The following TNS3 variants were observed in gnomAD, a reference collection of about 807,000 sequenced individuals.
TNS3 encodes tensin 3.
TNS3 carries 45 observed loss-of-function variants against 140.9 expected under a neutral mutation model. The observed-to-expected ratio is 0.32, with a 90% CI of 0.25 to 0.41. TNS3 has a LOEUF of 0.41. Ranked by LOEUF, TNS3 falls within the 10% of genes least tolerant of loss-of-function variation. TNS3 has a pLI of 1.00. For synonymous variants in TNS3, 815 were observed against 788.4 expected (o/e 1.03, Z -0.56); for missense variants, 1,716 against 1,906.7 (o/e 0.90, Z 1.86).
chr7:47,474,208 A>C (rs1259366897), intron 4 of TNS3, among the ~76,000 whole-genome samples: 1 of 150,880 alleles, frequency 6.6e-6, no homozygotes, highest in Admixed American at 6.6e-5. Context: ...CACACAAAAA[A>C]CACCTCACAC....
chr7:47,349,412 C>A (rs1032716000), intron 17 of TNS3, among the ~76,000 whole-genome samples: 1 of 152,206 alleles, frequency 6.6e-6, no homozygotes, highest in South Asian at 2.1e-4. Flanking sequence ...CTGGGACCAC[C>A]AGGAGTAAGA....
At chr7:47,476,993 C>A (rs530070234) in intron 4 of TNS3, among the ~76,000 whole-genome samples, 2 of 152,210 alleles carry the variant, frequency 1.3e-5, no homozygotes, top group Admixed American at 1.3e-4. Flanking sequence ...TAAATAGCCA[C>A]GGGTTCAATG....
chr7:47,344,728 C>T, intron 20 of TNS3, 27 bp downstream of exon 20: 1 of 1,600,914 alleles, frequency 6.2e-7, no homozygotes. Context: ...GTGCCGCGCG[C>T]CTGTGACCCG....
At position 47,372,901 on chromosome 7, in the gene TNS3, A is replaced by T. The variant is rs991562893; in HGVS notation, c.1025-3280T>A. On this transcript the variant is annotated intron_variant, in intron 16 of 30. Transcript: ENST00000311160. ...TTAAACGTACAGGAAAAGAATATGA[A>T]ACATATCAAGTGAATTCCAAGATAG... 9.8e-5 allele frequency among the ~76,000 whole-genome samples: 15 copies of T among 152,332 alleles called. No homozygotes were observed. The East Asian group carries it at 2.5e-3, about 25-fold the overall frequency.
chr7:47,406,790 A>T (rs969924551), intron 13 of TNS3, among the ~76,000 whole-genome samples: 1 of 152,220 alleles, frequency 6.6e-6, no homozygotes, highest in Non-Finnish European at 1.5e-5. Context: ...AAGGCCCTGT[A>T]ACTTCTTCCC....
At chr7:47,292,772 TG>T in intron 26 of TNS3, 55 bp downstream of exon 26, 1 of 1,454,060 alleles carries the variant, frequency 6.9e-7, no homozygotes, top group Non-Finnish European at 9.5e-7. Flanking sequence ...CTAAAACCGG[TG>T]GCCTTGACTG....
chr7:47,520,009 T>A (rs753998364), intron 2 of TNS3, among the ~76,000 whole-genome samples: 1 of 151,776 alleles, frequency 6.6e-6, no homozygotes, highest in Non-Finnish European at 1.5e-5. Context: ...TTTTTTTTAG[T>A]AGAGACGGGG....
chr7:47,569,471 G>A (rs1429112177), intron 1 of TNS3, among the ~76,000 whole-genome samples: 1 of 151,740 alleles, frequency 6.6e-6, no homozygotes, highest in African/African-American at 2.4e-5. Flanking sequence ...TCGAACCAGG[G>A]AGGTGGAGGT....
At chr7:47,494,798 G>C (rs1797941146) in intron 3 of TNS3, among the ~76,000 whole-genome samples, 2 of 152,184 alleles carry the variant, frequency 1.3e-5, no homozygotes, top group Admixed American at 1.3e-4. Context: ...GACAGAAAAT[G>C]GGAGTAGGCA....
chr7:47,321,044 C>T (rs140376746), intron 20 of TNS3, among the ~76,000 whole-genome samples: 167 of 152,350 alleles, frequency 1.1e-3, no homozygotes, highest in African/African-American at 4.0e-3. Flanking sequence ...TCCCTTCTGA[C>T]TCTTGGAGCA....
chr7:47,376,870 G>A (rs2151195651), intron 16 of TNS3, among the ~76,000 whole-genome samples: 1 of 152,320 alleles, frequency 6.6e-6, no homozygotes, highest in East Asian at 1.9e-4. Flanking sequence ...CACAGCCGCT[G>A]CAGTGATGGT....
chr7:47,425,431 A>G (rs536634365), intron 9 of TNS3, among the ~76,000 whole-genome samples: 1 of 152,326 alleles, frequency 6.6e-6, no homozygotes, highest in Non-Finnish European at 1.5e-5. Context: ...CTTCATAAAA[A>G]TCCTGGTAGA....
At chr7:47,500,097 G>GCACACACA (rs143019610) in intron 3 of TNS3, among the ~76,000 whole-genome samples, 1 of 151,182 alleles carries the variant, frequency 6.6e-6, no homozygotes, top group Non-Finnish European at 1.5e-5. Flanking sequence ...ACACACACAC[G>GCACACACA]CACACACACA....
At chr7:47,278,280 T>C (rs1584293863) in intron 30 of TNS3, 60 bp from the exon 31 acceptor site, 1 of 1,555,648 alleles carries the variant, frequency 6.4e-7, no homozygotes, top group Admixed American at 1.9e-5. Context: ...AGCTTCTACT[T>C]CCTCCAGCTG....
At chr7:47,579,720 G>T in intron 1 of TNS3, 1 of 412,800 alleles carries the variant, frequency 2.4e-6, no homozygotes, top group Non-Finnish European at 3.3e-6. Flanking sequence ...ATCCCTAACT[G>T]TTCCCAGACT....
chr7:47,409,457 T>C (rs547937213), intron 13 of TNS3, among the ~76,000 whole-genome samples: 2 of 152,242 alleles, frequency 1.3e-5, no homozygotes, highest in South Asian at 2.1e-4. Context: ...TCACCCTCTA[T>C]GACTGAGTTG....
intron 2 of TNS3, among the ~76,000 whole-genome samples, chr7:47,522,131 G>A (rs1285119105): frequency 3.9e-5 from 6 of 152,128 alleles, no homozygotes; most frequent in South Asian, 2.1e-4. Flanking sequence ...TGGGATGCCC[G>A]CCCCCCAAAA....
At chr7:47,561,696 A>G (rs1370684969) in intron 1 of TNS3, among the ~76,000 whole-genome samples, 1 of 152,222 alleles carries the variant, frequency 6.6e-6, no homozygotes, top group Non-Finnish European at 1.5e-5. Flanking sequence ...AATGAAAAAC[A>G]TGGCCACAAT....
intron 17 of TNS3, among the ~76,000 whole-genome samples, chr7:47,350,458 T>C (rs559758272): frequency 1.3e-5 from 2 of 152,292 alleles, no homozygotes; most frequent in African/African-American, 4.8e-5. Flanking sequence ...CACAGCAGTC[T>C]AGAGAAAAGG....
Sources: gnomAD v4.1 joint callset for allele counts (sites outside exome capture counted in the v4.1 genomes callset) on GRCh38, gnomAD v4.1.1 for gene constraint, MANE v1.5 for transcripts, NCBI Gene and HGNC (gene_info 2026-07-23, HGNC 2026-07-21) for gene names.